Variants in MDN1 observed in about 807,000 individuals in gnomAD.
MDN1 encodes midasin AAA ATPase 1.
A neutral mutation model predicts 669.2 loss-of-function variants in MDN1; 266 were observed. The observed-to-expected ratio is 0.40, with a 90% CI of 0.36 to 0.44. MDN1 has a LOEUF of 0.44. Ranked by LOEUF, MDN1 falls within the 20% of genes least tolerant of loss-of-function variation. MDN1 has a pLI of 1.00. For synonymous variants in MDN1, 2,385 were observed against 2,457.1 expected (o/e 0.97, Z 0.87); for missense variants, 5,940 against 6,754.0 (o/e 0.88, Z 4.22).
chr6:89,656,079 T>C, intron 91 of MDN1, 111 bp from the exon 92 acceptor site: 1 of 924,592 alleles, frequency 1.1e-6, no homozygotes, highest in Non-Finnish European at 1.6e-6. Context: ...GGTGTAGCCA[T>C]ACAAGAATGG....
intron 15 of MDN1, among the ~76,000 whole-genome samples, chr6:89,767,066 G>A (rs1279013387): frequency 1.3e-5 from 2 of 151,976 alleles, no homozygotes; most frequent in Non-Finnish European, 2.9e-5. Flanking sequence ...TTGCCCTTTA[G>A]TGCTAGACTT....
chr6:89,697,577 C>A (rs1050214890), intron 59 of MDN1, among the ~76,000 whole-genome samples: 17 of 151,606 alleles, frequency 1.1e-4, no homozygotes, highest in Non-Finnish European at 2.1e-4. Context: ...TGACGCTGAA[C>A]AACCCTATTT....
In MDN1 at chr6:89,762,373, T is replaced by C. The variant is rs1479388036; in HGVS notation, c.2302A>G (p.Met768Val). 4 of 1,614,198 alleles carry C rather than the reference T, an allele frequency of 2.5e-6. No homozygotes were observed. The East Asian group carries it at 8.9e-5, about 36-fold the overall frequency. ...ACAGCAGACTTGTGTACATGCTGCA[T>C]TAGTCTCAGGAGATCATGCCACCGT... ...QKRWHDLLRL[M>V]QHVHKSAVNK... The change falls in exon 16 of 102, where the codon ATG (methionine) becomes GTG (valine). Residue 768 changes from methionine to valine, a missense_variant. By Grantham distance (21) the Met-to-Val change is conservative. Coordinates refer to ENST00000369393, the MANE Select transcript of MDN1 (RefSeq NM_014611.3).
At chr6:89,658,444 C>T in intron 89 of MDN1, 74 bp from the exon 90 acceptor site, 4 of 1,585,716 alleles carry the variant, frequency 2.5e-6, no homozygotes, top group Non-Finnish European at 3.4e-6. Flanking sequence ...TTGCAACAAG[C>T]AGGCTTCCCC....
At chr6:89,696,671 G>C (rs1475982206) in intron 59 of MDN1, 97 bp from the exon 60 acceptor site, 2 of 926,262 alleles carry the variant, frequency 2.2e-6, no homozygotes, top group African/African-American at 3.3e-5. Flanking sequence ...GACAGTTCAG[G>C]TTGCTTGGAA....
intron 73 of MDN1, 81 bp from the exon 74 acceptor site, chr6:89,680,832 C>G: frequency 7.1e-7 from 1 of 1,406,972 alleles, no homozygotes; most frequent in Non-Finnish European, 9.6e-7. Flanking sequence ...TTAACTGTTG[C>G]ACACAAAAAC....
chr6:89,814,845 G>C (rs896833762), intron 1 of MDN1: 12 of 486,808 alleles, frequency 2.5e-5, no homozygotes, highest in Non-Finnish European at 4.1e-5. Flanking sequence ...CTGCCCCTAA[G>C]AGCCGTCAAC....
At position 89,662,822 on chromosome 6, in the gene MDN1, TTTA is replaced by T. The variant is rs1275455560; in HGVS notation, c.14379_14381del (p.Asn4793del). 2 of 1,613,966 alleles carry T rather than the reference TTTA, an allele frequency of 1.2e-6. No individual in the cohort carries two copies. The highest frequency in any genetic ancestry group is 1.7e-6 in the Non-Finnish European group (2 of 1,180,006). On this transcript the variant is annotated inframe_deletion, in exon 86 of 102. Transcript: ENST00000369393. Reference sequence around the variant, plus strand: ...CCATTCCTGGTCCTGTTTCTTCAGTTTTATTGTCTTCTTCCTCCTCATCTTCCT... The same window carrying T: ...CCATTCCTGGTCCTGTTTCTTCAGTTTTGTCTTCTTCCTCCTCATCTTCCT...
chr6:89,759,080 T>C, intron 17 of MDN1, 120 bp from the exon 18 acceptor site: 1 of 964,704 alleles, frequency 1.0e-6, no homozygotes, highest in Admixed American at 2.7e-5. Flanking sequence ...TTGATGGGCC[T>C]ATACTTTAAC....
intron 1 of MDN1, among the ~76,000 whole-genome samples, chr6:89,817,847 T>A (rs935155048): frequency 6.6e-6 from 1 of 152,192 alleles, no homozygotes; most frequent in African/African-American, 2.4e-5. Flanking sequence ...ATAACTGTTG[T>A]AAGGGGTTGT....
At chr6:89,650,878 C>A in intron 95 of MDN1, 31 bp from the exon 96 acceptor site, 2 of 1,577,738 alleles carry the variant, frequency 1.3e-6, no homozygotes, top group South Asian at 1.1e-5. Context: ...AAGTTACCCT[C>A]AGAATGTCAG....
intron 45 of MDN1, 27 bp downstream of exon 45, chr6:89,715,626 A>G: frequency 1.4e-6 from 2 of 1,412,342 alleles, no homozygotes; most frequent in Non-Finnish European, 2.0e-6. Flanking sequence ...TCAGATTCTG[A>G]GGCAGAAATG....
chr6:89,677,612 C>T lies in MDN1; in HGVS notation c.12497G>A (p.Ser4166Asn). The T allele has an allele frequency of 6.2e-7, 1 of 1,614,172 alleles. No individual in the cohort carries two copies. Among genetic ancestry groups the T allele is most frequent in the Non-Finnish European group, 8.5e-7 (1 of 1,180,030 alleles). Residue 4166 changes from serine (S) to asparagine (N), a missense_variant, in exon 76 of 102, where the codon AGC (serine) becomes AAC (asparagine). By Grantham distance (46) the Ser-to-Asn change is conservative. Transcript: ENST00000369393. Reference protein sequence around the residue: ...MLHLHPLDLQSALSIVSSTQE... With the variant: ...MLHLHPLDLQNALSIVSSTQE... ...AGTGCTGCTGACGATGGACAATGCGCTCTGGAGATCTAATGGGTGAAGATG... is the reference window on the plus strand; with the variant it reads ...AGTGCTGCTGACGATGGACAATGCGTTCTGGAGATCTAATGGGTGAAGATG...
intron 30 of MDN1, 84 bp downstream of exon 30, chr6:89,743,492 C>T: frequency 6.7e-7 from 1 of 1,499,202 alleles, no homozygotes; most frequent in South Asian, 1.3e-5. Flanking sequence ...AAACCAGAAC[C>T]CAGCTCCAGA....
At chr6:89,789,751 G>C in intron 7 of MDN1, 29 bp downstream of exon 7, 3 of 1,564,088 alleles carry the variant, frequency 1.9e-6, no homozygotes, top group Non-Finnish European at 2.6e-6. Context: ...AATATATTAA[G>C]GGACAATGAA....
chr6:89,734,961 G>A (rs1033636177), intron 33 of MDN1, among the ~76,000 whole-genome samples: 10 of 151,524 alleles, frequency 6.6e-5, no homozygotes, highest in Non-Finnish European at 1.5e-4. Context: ...TGTGATCTTG[G>A]CTCACGGCAA....
At chr6:89,815,037 GAAGA>G in intron 1 of MDN1, 1 of 516,556 alleles carries the variant, frequency 1.9e-6, no homozygotes. Flanking sequence ...CCAGGAGGAG[GAAGA>G]AAGGGGTACA....
chr6:89,818,630 T>C (rs1769011901), intron 1 of MDN1, among the ~76,000 whole-genome samples: 1 of 151,464 alleles, frequency 6.6e-6, no homozygotes, highest in South Asian at 2.1e-4. Context: ...GCCAACATGG[T>C]GAAACCCCGT....
intron 9 of MDN1, among the ~76,000 whole-genome samples, chr6:89,782,814 C>T (rs777872658): frequency 5.9e-5 from 9 of 151,924 alleles, no homozygotes; most frequent in Non-Finnish European, 8.8e-5. Flanking sequence ...TGGCATGTTG[C>T]GGGAAGTCAG....
Sources: gnomAD v4.1 joint callset for allele counts (sites outside exome capture counted in the v4.1 genomes callset) on GRCh38, gnomAD v4.1.1 for gene constraint, MANE v1.5 for transcripts, NCBI Gene and HGNC (gene_info 2026-07-23, HGNC 2026-07-21) for gene names.